The following ARHGEF12 variants were observed in gnomAD, a reference collection of about 807,000 sequenced individuals.
The protein encoded by ARHGEF12 is KMT2A/ARHGEF12 fusion protein.
A neutral mutation model predicts 211.2 loss-of-function variants in ARHGEF12; 66 were observed. The observed-to-expected ratio is 0.31, with a 90% CI of 0.26 to 0.38. The LOEUF (loss-of-function observed/expected upper bound fraction) is 0.38, where lower values mean the gene tolerates loss of function less well. ARHGEF12 is among the 10% of genes least tolerant of loss of function. The pLI is 1.00. For synonymous variants in ARHGEF12, 592 were observed against 638.4 expected (o/e 0.93, Z 1.09); for missense variants, 1,429 against 1,869.5 (o/e 0.76, Z 4.34).
intron 8 of ARHGEF12, 95 bp downstream of exon 8, chr11:120,428,342 A>G (rs764786050): frequency 1.9e-5 from 20 of 1,060,828 alleles, no homozygotes; most frequent in African/African-American, 4.9e-5. Flanking sequence ...TGATGAACTA[A>G]TTAAATTTAA....
At chr11:120,477,419 G>GTT (rs371114939) in intron 35 of ARHGEF12, 28 bp from the exon 36 acceptor site, 35,371 of 1,207,418 alleles carry the variant, frequency 0.029, 10 homozygotes, top group South Asian at 0.066. Context: ...GAAGGTAAAA[G>GTT]TTTTTTTTTT....
At chr11:120,391,222 A>G (rs1296807503) in intron 1 of ARHGEF12, among the ~76,000 whole-genome samples, 2 of 152,196 alleles carry the variant, frequency 1.3e-5, no homozygotes, top group African/African-American at 4.8e-5. Flanking sequence ...ATGTATGTTT[A>G]TTCTAGCTGG....
At chr11:120,420,165 A>G (rs1004387383) in intron 4 of ARHGEF12, among the ~76,000 whole-genome samples, 1 of 152,164 alleles carries the variant, frequency 6.6e-6, no homozygotes, top group Non-Finnish European at 1.5e-5. Flanking sequence ...TCTGTTTTCT[A>G]TAAGCCAGGG....
chr11:120,484,154 G>C (rs981998083), intron 39 of ARHGEF12, among the ~76,000 whole-genome samples: 1 of 152,228 alleles, frequency 6.6e-6, no homozygotes, highest in African/African-American at 2.4e-5. Context: ...ACCATGTCCA[G>C]GGTGACTCCT....
At chr11:120,485,006 T>C (rs1281135980) in intron 40 of ARHGEF12, 61 bp from the exon 41 acceptor site, 1 of 1,555,656 alleles carries the variant, frequency 6.4e-7, no homozygotes, top group Non-Finnish European at 8.8e-7. Flanking sequence ...ATGGGTATTC[T>C]TTGCAATGTT....
chr11:120,397,899 CTA>C (rs1565452103), intron 1 of ARHGEF12, among the ~76,000 whole-genome samples: 1 of 152,170 alleles, frequency 6.6e-6, no homozygotes, highest in Non-Finnish European at 1.5e-5. Context: ...ATACAGAAAT[CTA>C]TCTCTATTTT....
chr11:120,438,912 G>T (rs1442016621), intron 12 of ARHGEF12: 5 of 152,154 alleles, frequency 3.3e-5, no homozygotes, highest in Non-Finnish European at 7.3e-5. Context: ...TGCCCAAGCT[G>T]CAGTACAGAG....
chr11:120,467,606 C>CTTTTTTT (rs71050748), intron 29 of ARHGEF12, among the ~76,000 whole-genome samples: 1 of 106,918 alleles, frequency 9.4e-6, no homozygotes. Context: ...CCACACTTGG[C>CTTTTTTT]TTTTTTTTTT....
chr11:120,341,016 A>G (rs1942518730), intron 1 of ARHGEF12, among the ~76,000 whole-genome samples: 1 of 152,244 alleles, frequency 6.6e-6, no homozygotes, highest in South Asian at 2.1e-4. Context: ...ACCACTTAAC[A>G]CATTGGTGGT....
intron 12 of ARHGEF12, chr11:120,439,920 G>A (rs985512541): frequency 1.7e-5 from 8 of 475,924 alleles, no homozygotes; most frequent in Middle Eastern, 5.0e-4. Context: ...AAAAAAACTC[G>A]TTGTTGTGGT....
intron 1 of ARHGEF12, among the ~76,000 whole-genome samples, chr11:120,377,019 C>T (rs1450827726): frequency 6.6e-6 from 1 of 152,106 alleles, no homozygotes; most frequent in African/African-American, 2.4e-5. Flanking sequence ...ATATGTACCG[C>T]ATTTTCTTTA....
intron 1 of ARHGEF12, among the ~76,000 whole-genome samples, chr11:120,373,324 A>G (rs1943638144): frequency 6.6e-6 from 1 of 152,228 alleles, no homozygotes; most frequent in Non-Finnish European, 1.5e-5. Flanking sequence ...TTTTCATTTA[A>G]CAATATACTT....
At chr11:120,399,334 A>G (rs1227680321) in intron 1 of ARHGEF12, among the ~76,000 whole-genome samples, 1 of 140,968 alleles carries the variant, frequency 7.1e-6, no homozygotes, top group African/African-American at 2.8e-5. Context: ...AAAAAAAAAA[A>G]AAAAAAAAAA....
intron 4 of ARHGEF12, among the ~76,000 whole-genome samples, chr11:120,414,214 C>T (rs1472822843): frequency 1.3e-5 from 2 of 152,140 alleles, no homozygotes; most frequent in Non-Finnish European, 2.9e-5. Flanking sequence ...TCAGGTTTAT[C>T]AGCTTCTAGG....
intron 4 of ARHGEF12, among the ~76,000 whole-genome samples, chr11:120,412,353 C>T (rs1944910141): frequency 6.6e-6 from 1 of 152,164 alleles, no homozygotes; most frequent in Admixed American, 6.5e-5. Context: ...GCCACTGTAA[C>T]AAAATACCAT....
At chr11:120,351,632 G>A (rs1360180500) in intron 1 of ARHGEF12, among the ~76,000 whole-genome samples, 50 of 150,658 alleles carry the variant, frequency 3.3e-4, no homozygotes, top group Admixed American at 3.2e-3. Flanking sequence ...CACCACGCCC[G>A]TCTAATTTTT....
chr11:120,454,323 T>C (rs1176719874), intron 22 of ARHGEF12, among the ~76,000 whole-genome samples: 1 of 152,110 alleles, frequency 6.6e-6, no homozygotes, highest in African/African-American at 2.4e-5. Flanking sequence ...AGAAGAATTT[T>C]CCCTACAAGA....
At chr11:120,388,925 C>T (rs1463265138) in intron 1 of ARHGEF12, among the ~76,000 whole-genome samples, 1 of 151,928 alleles carries the variant, frequency 6.6e-6, no homozygotes, top group African/African-American at 2.4e-5. Flanking sequence ...TTCAATGGTG[C>T]AATCTTGGCT....
chr11:120,445,311 G>A (rs1308923493), intron 15 of ARHGEF12, 111 bp from the exon 16 acceptor site: 3 of 966,582 alleles, frequency 3.1e-6, no homozygotes, highest in South Asian at 2.6e-5. Flanking sequence ...GTACTTGATT[G>A]TGCTTGTAGA....
Sources: allele counts gnomAD v4.1 joint callset (sites outside exome capture counted in the v4.1 genomes callset), GRCh38; gene constraint gnomAD v4.1.1; transcripts MANE v1.5; gene names NCBI Gene and HGNC (gene_info 2026-07-23, HGNC 2026-07-21).